The following CTNNA3 variants were observed in gnomAD, a reference collection of about 807,000 sequenced individuals.
CTNNA3 encodes the protein catenin alpha 3.
CTNNA3 carries 76 observed loss-of-function variants against 95.7 expected under a neutral mutation model. The ratio of observed to expected loss-of-function variants is 0.79; its 90% CI spans 0.66 to 0.96. The LOEUF (loss-of-function observed/expected upper bound fraction) is 0.96. CTNNA3 is among the 40% of genes least tolerant of loss of function. CTNNA3 has a pLI of 0.00. For missense variants in CTNNA3, 1,191 were observed against 1,089.8 expected (o/e 1.09, Z -1.31); for synonymous variants, 431 against 374.4 (o/e 1.15, Z -1.74).
At chr10:66,905,993 C>T (rs1276113813) in intron 7 of CTNNA3, among the ~76,000 whole-genome samples, 1 of 151,784 alleles carries the variant, frequency 6.6e-6, no homozygotes, top group Middle Eastern at 3.2e-3. Flanking sequence ...AGGGTTCTTA[C>T]CATAATAAAA....
chr10:66,782,845 T>C (rs537146615), intron 7 of CTNNA3, among the ~76,000 whole-genome samples: 15 of 152,182 alleles, frequency 9.9e-5, no homozygotes, highest in Non-Finnish European at 1.5e-4. Flanking sequence ...GCTGTTATTA[T>C]TACCTATAAG....
chr10:66,795,966 AT>A (rs143970644), intron 7 of CTNNA3, among the ~76,000 whole-genome samples: 6,379 of 152,162 alleles, frequency 0.042, 450 homozygotes, highest in African/African-American at 0.15. Context: ...CTTGCAGTAG[AT>A]TAGGCTTTAG....
At chr10:66,282,677 T>G (rs1003317308) in intron 12 of CTNNA3, among the ~76,000 whole-genome samples, 5 of 150,794 alleles carry the variant, frequency 3.3e-5, no homozygotes, top group African/African-American at 1.2e-4. Context: ...CATTCTCAGG[T>G]TCATTTTAAG....
intron 9 of CTNNA3, among the ~76,000 whole-genome samples, chr10:66,739,954 T>C (rs1849272895): frequency 6.6e-6 from 1 of 152,140 alleles, no homozygotes; most frequent in East Asian, 1.9e-4. Context: ...AACAAAGCCC[T>C]CCTGAGACAA....
At chr10:67,491,050 A>C (rs890895267) in intron 5 of CTNNA3, among the ~76,000 whole-genome samples, 8 of 152,170 alleles carry the variant, frequency 5.3e-5, no homozygotes, top group Non-Finnish European at 1.2e-4. Flanking sequence ...AGAAAAAAAA[A>C]CTAATATGAC....
intron 11 of CTNNA3, among the ~76,000 whole-genome samples, chr10:66,428,730 A>T (rs1272719016): frequency 3.9e-5 from 6 of 152,194 alleles, no homozygotes; most frequent in African/African-American, 1.4e-4. Flanking sequence ...AACATACTAG[A>T]ATATCTGGGA....
chr10:66,985,756 T>G (rs1850693919), intron 7 of CTNNA3, among the ~76,000 whole-genome samples: 2 of 152,216 alleles, frequency 1.3e-5, no homozygotes, highest in Admixed American at 6.5e-5. Flanking sequence ...TGAGACAGAG[T>G]CTCACTCTAT....
In CTNNA3 at chr10:66,891,193, T is replaced by C. The variant is rs10491058; in HGVS notation, c.1048-115669A>G. Among the ~76,000 whole-genome samples the C allele has an allele frequency of 0.033, 5,042 of 152,276 alleles. 431 individuals are homozygous for C. In the East Asian group the frequency reaches 0.36, roughly 11 times the overall value. On this transcript the variant is annotated intron_variant, in intron 7 of 17. Transcript: ENST00000433211. ...CAATTGTGCATCAAAGATGTTAATA[T>C]AGAGACCATTATGTAGAAACAAATA...
chr10:66,485,890 A>G (rs909777470), intron 11 of CTNNA3, among the ~76,000 whole-genome samples: 1 of 152,170 alleles, frequency 6.6e-6, no homozygotes, highest in African/African-American at 2.4e-5. Flanking sequence ...ATAAAAACAC[A>G]TGGAACAGAA....
At chr10:67,170,844 C>T (rs1166512044) in intron 7 of CTNNA3, among the ~76,000 whole-genome samples, 3 of 152,150 alleles carry the variant, frequency 2.0e-5, no homozygotes, top group Non-Finnish European at 4.4e-5. Flanking sequence ...ACCATGGCAG[C>T]CACTGGCCAC....
At chr10:66,655,665 G>A (rs1846050374) in intron 9 of CTNNA3, among the ~76,000 whole-genome samples, 1 of 152,032 alleles carries the variant, frequency 6.6e-6, no homozygotes, top group Admixed American at 6.6e-5. Context: ...AAAGTAGGAG[G>A]ACAATTCTGA....
chr10:66,512,506 C>G (rs942802759), intron 11 of CTNNA3, among the ~76,000 whole-genome samples: 1 of 151,766 alleles, frequency 6.6e-6, no homozygotes, highest in African/African-American at 2.4e-5. Flanking sequence ...AAATTTTATT[C>G]CTTTCTTTTT....
intron 13 of CTNNA3, among the ~76,000 whole-genome samples, chr10:66,135,756 CCTAT>C (rs1403996210): frequency 6.6e-6 from 1 of 152,136 alleles, no homozygotes; most frequent in African/African-American, 2.4e-5. Context: ...CTAAGTAAAA[CCTAT>C]CTATCATTAC....
intron 12 of CTNNA3, among the ~76,000 whole-genome samples, chr10:66,331,342 GTTTTTTTTTTTT>G (rs60709020): frequency 0.012 from 972 of 80,314 alleles, 31 homozygotes; most frequent in African/African-American, 0.044. Flanking sequence ...CCCATTGTTT[GTTTTTTTTTTTT>G]TTTTTTTTTT....
chr10:67,167,078 G>A (rs920045710), intron 7 of CTNNA3, among the ~76,000 whole-genome samples: 3 of 151,566 alleles, frequency 2.0e-5, no homozygotes, highest in Non-Finnish European at 4.4e-5. Context: ...TGGCACTCCA[G>A]CCTGGGTGAC....
At chr10:66,298,601 C>G (rs2091816855) in intron 12 of CTNNA3, among the ~76,000 whole-genome samples, 1 of 152,160 alleles carries the variant, frequency 6.6e-6, no homozygotes, top group South Asian at 2.1e-4. Context: ...CAGGAAATCA[C>G]CATTTCCCTT....
At chr10:67,651,045 T>G (rs6480284) in intron 1 of CTNNA3, among the ~76,000 whole-genome samples, 20,209 of 152,026 alleles carry the variant, frequency 0.13, 2,420 homozygotes, top group African/African-American at 0.32. Flanking sequence ...ACATAAGTTG[T>G]CATGTTCTTG....
At chr10:67,249,483 T>C (rs1866025097) in intron 5 of CTNNA3, among the ~76,000 whole-genome samples, 1 of 152,180 alleles carries the variant, frequency 6.6e-6, no homozygotes, top group South Asian at 2.1e-4. Flanking sequence ...GATTGGTTCT[T>C]GGGAACTGTG....
chr10:66,477,596 T>C (rs1589304614), intron 11 of CTNNA3, among the ~76,000 whole-genome samples: 1 of 152,164 alleles, frequency 6.6e-6, no homozygotes, highest in South Asian at 2.1e-4. Context: ...TATGAATGCA[T>C]TCTACAACCC....
Sources: allele counts gnomAD v4.1 joint callset (sites outside exome capture counted in the v4.1 genomes callset), GRCh38; gene constraint gnomAD v4.1.1; transcripts MANE v1.5; gene names NCBI Gene and HGNC (gene_info 2026-07-23, HGNC 2026-07-21).